The following RASAL2 variants were observed in gnomAD, a reference collection of about 807,000 sequenced individuals.
The protein encoded by RASAL2 is ras GTPase-activating protein nGAP.
In RASAL2, 58 loss-of-function variants were observed where a neutral mutation model predicts 128.9. That is an observed-to-expected ratio of 0.45 (90% CI 0.36 to 0.56). The LOEUF is 0.56. Among genes scored for constraint, RASAL2 ranks in the 20% least tolerant of loss-of-function variants. RASAL2 has a pLI of 0.00. For missense variants in RASAL2, 1,360 were observed against 1,601.6 expected (o/e 0.85, Z 2.57); for synonymous variants, 561 against 580.8 (o/e 0.97, Z 0.49).
intron 1 of RASAL2, among the ~76,000 whole-genome samples, chr1:178,265,498 A>G (rs1665905323): frequency 6.6e-6 from 1 of 152,196 alleles, no homozygotes; most frequent in East Asian, 1.9e-4. Context: ...CTCAGTATGC[A>G]TTATCTCATT....
chr1:178,405,164 C>G (rs1412374067), intron 4 of RASAL2, among the ~76,000 whole-genome samples: 3 of 152,200 alleles, frequency 2.0e-5, no homozygotes, highest in African/African-American at 7.2e-5. Context: ...TACATATACA[C>G]TTACCTTTTG....
intron 1 of RASAL2, among the ~76,000 whole-genome samples, chr1:178,102,180 C>T (rs1032128697): frequency 2.0e-5 from 3 of 152,140 alleles, no homozygotes; most frequent in African/African-American, 7.2e-5. Context: ...TTTCTAACCT[C>T]TGATTCCTGT....
At chr1:178,386,325 A>G (rs1423001165) in intron 3 of RASAL2, among the ~76,000 whole-genome samples, 1 of 152,194 alleles carries the variant, frequency 6.6e-6, no homozygotes, top group Non-Finnish European at 1.5e-5. Context: ...AAACTCATTA[A>G]TCTTGTCTTT....
intron 2 of RASAL2, among the ~76,000 whole-genome samples, chr1:178,292,011 G>A (rs1195791764): frequency 2.7e-5 from 4 of 146,448 alleles, no homozygotes; most frequent in Non-Finnish European, 5.9e-5. Flanking sequence ...ACTCCAGCCT[G>A]GGTGACTGGG....
chr1:178,276,774 G>A (rs1666536158), intron 1 of RASAL2, among the ~76,000 whole-genome samples: 1 of 152,110 alleles, frequency 6.6e-6, no homozygotes, highest in Non-Finnish European at 1.5e-5. Context: ...AGATAGCCAT[G>A]TGTATGCCAT....
intron 1 of RASAL2, among the ~76,000 whole-genome samples, chr1:178,138,183 C>T (rs545396444): frequency 6.6e-6 from 1 of 152,098 alleles, no homozygotes; most frequent in Non-Finnish European, 1.5e-5. Context: ...GATGAGATGT[C>T]TTTATTTGAC....
intron 4 of RASAL2, among the ~76,000 whole-genome samples, chr1:178,409,897 G>A (rs1674249101): frequency 6.6e-6 from 1 of 152,214 alleles, no homozygotes; most frequent in Non-Finnish European, 1.5e-5. Flanking sequence ...GCCAAGCCAA[G>A]CTTGAAAACA....
chr1:178,139,454 G>C (rs1345974804), intron 1 of RASAL2, among the ~76,000 whole-genome samples: 2 of 151,920 alleles, frequency 1.3e-5, no homozygotes, highest in Non-Finnish European at 2.9e-5. Flanking sequence ...TGACTTAAAA[G>C]TAGACAATTT....
In RASAL2 at chr1:178,300,007, G is replaced by A. The variant is rs767048499; in HGVS notation, c.346G>A (p.Gly116Arg). Reference protein sequence around the residue: ...NKEKEIPVEGGQEQQTDSTKG... With the variant: ...NKEKEIPVEGRQEQQTDSTKG... The stretch of plus-strand genomic sequence containing the variant: ...GATTAACTAGATACCTGTGGAAGGG[G>A]GACAGGAGCAGCAGACAGATTCCAC... Residue 116 changes from glycine to arginine, a missense_variant, in exon 3 of 18, where the codon GGA (glycine) becomes AGA (arginine). Physicochemically the swap from Gly to Arg is moderately radical, Grantham distance 125 (BLOSUM62 -2). Coordinates refer to ENST00000367649, the MANE Select transcript of RASAL2 (RefSeq NM_170692.4). 5 of 1,613,704 alleles carry A rather than the reference G, an allele frequency of 3.1e-6. No individual in the cohort carries two copies. Among genetic ancestry groups the A allele is most frequent in the African/African-American group, 2.7e-5 (2 of 74,896 alleles).
chr1:178,231,127 T>C (rs1663991190), intron 1 of RASAL2, among the ~76,000 whole-genome samples: 1 of 152,110 alleles, frequency 6.6e-6, no homozygotes, highest in Non-Finnish European at 1.5e-5. Flanking sequence ...GAAACTGCCT[T>C]TCCCTGGTGC....
At chr1:178,273,042 C>T (rs1009617954) in intron 1 of RASAL2, among the ~76,000 whole-genome samples, 1 of 152,072 alleles carries the variant, frequency 6.6e-6, no homozygotes, top group South Asian at 2.1e-4. Flanking sequence ...TGTATTGTGG[C>T]CAAAAACATA....
chr1:178,319,540 C>G (rs914653936), intron 3 of RASAL2, among the ~76,000 whole-genome samples: 4 of 149,458 alleles, frequency 2.7e-5, no homozygotes, highest in Admixed American at 2.7e-4. Context: ...TCATTTCATT[C>G]ATTTCATCTT....
chr1:178,478,502 G>T lies in RASAL2; in HGVS notation c.*5263G>T, dbSNP rs2102990070. The T allele has an allele frequency of 6.6e-6, 1 of 152,226 alleles. No homozygotes were observed. Among genetic ancestry groups the T allele is most frequent in the East Asian group, 1.9e-4 (1 of 5,188 alleles). 9.4% of individuals were successfully genotyped at this position (152,226 alleles called of 1,614,324 possible). On this transcript the variant is annotated 3_prime_UTR_variant, in exon 18 of 18. Transcript: ENST00000367649. ...GAAATGACCTTCTAAATTTGATTTT[G>T]TTTTTCATCTCCAGGGCCTTAATAA...
chr1:178,216,359 A>G (rs938899195), intron 1 of RASAL2, among the ~76,000 whole-genome samples: 1 of 152,204 alleles, frequency 6.6e-6, no homozygotes, highest in African/African-American at 2.4e-5. Context: ...GTGACATTTT[A>G]TGTTCTATTC....
intron 3 of RASAL2, among the ~76,000 whole-genome samples, chr1:178,301,899 C>G (rs1366602090): frequency 2.6e-5 from 4 of 152,176 alleles, no homozygotes; most frequent in Non-Finnish European, 1.5e-5. Flanking sequence ...GTTCGAGGTA[C>G]TGGCCCCAAA....
chr1:178,202,849 C>A (rs1403265742), intron 1 of RASAL2, among the ~76,000 whole-genome samples: 3 of 152,170 alleles, frequency 2.0e-5, no homozygotes, highest in Non-Finnish European at 4.4e-5. Context: ...TGTGTCATTG[C>A]CCAATGGGCC....
intron 1 of RASAL2, among the ~76,000 whole-genome samples, chr1:178,228,534 C>T (rs983013465): frequency 2.0e-5 from 3 of 152,102 alleles, no homozygotes; most frequent in Non-Finnish European, 2.9e-5. Flanking sequence ...ATGAGCCAAG[C>T]GTGCCACTGC....
At chr1:178,411,340 G>A (rs1270823684) in intron 4 of RASAL2, among the ~76,000 whole-genome samples, 8 of 152,170 alleles carry the variant, frequency 5.3e-5, no homozygotes, top group Non-Finnish European at 8.8e-5. Context: ...ATAAGTGGGA[G>A]CTAAGCTGTG....
intron 5 of RASAL2, among the ~76,000 whole-genome samples, chr1:178,421,683 C>T (rs561607054): frequency 7.9e-5 from 12 of 151,386 alleles, no homozygotes; most frequent in Non-Finnish European, 1.5e-4. Flanking sequence ...CTTTTTTTCA[C>T]TTATCTACCT....
Sources: allele counts gnomAD v4.1 joint callset (sites outside exome capture counted in the v4.1 genomes callset), GRCh38; gene constraint gnomAD v4.1.1; transcripts MANE v1.5; gene names NCBI Gene and HGNC (gene_info 2026-07-23, HGNC 2026-07-21).